Variants in MINDY4 observed in about 807,000 individuals in gnomAD.
MINDY4 encodes probable ubiquitin carboxyl-terminal hydrolase MINDY-4.
MINDY4 carries 68 observed loss-of-function variants against 87.0 expected under a neutral mutation model. The ratio of observed to expected loss-of-function variants is 0.78; its 90% CI spans 0.64 to 0.96. The LOEUF (loss-of-function observed/expected upper bound fraction) is 0.96. Ranked by LOEUF, MINDY4 falls within the 40% of genes least tolerant of loss-of-function variation. MINDY4 has a pLI of 0.00. For missense variants in MINDY4, 919 were observed against 928.2 expected (o/e 0.99, Z 0.13); for synonymous variants, 379 against 363.2 (o/e 1.04, Z -0.50).
chr7:30,836,656 AGAG>A lies in MINDY4; in HGVS notation c.1134_1136del (p.Glu378del). ...GCTCACATGGCCATGGTTTTCTTTC[AGAG>A]GATGTGGAGGATGAGTTGATAAGGG... On this transcript the variant is annotated splice_acceptor_variant and coding_sequence_variant, in exon 7 of 18. Coordinates refer to ENST00000265299, the MANE Select transcript of MINDY4 (RefSeq NM_032222.3). LOFTEE classifies it high-confidence loss of function. 6.2e-7 allele frequency: 1 copy of A among 1,613,350 alleles called. No individual in the cohort carries two copies. Among genetic ancestry groups the A allele is most frequent in the Non-Finnish European group, 8.5e-7 (1 of 1,179,402 alleles).
chr7:30,816,286 T>A (rs1163758474), intron 5 of MINDY4, among the ~76,000 whole-genome samples: 1 of 145,432 alleles, frequency 6.9e-6, no homozygotes, highest in African/African-American at 2.7e-5. Flanking sequence ...AGAAAACTTC[T>A]GAGTCTGAGA....
intron 5 of MINDY4, among the ~76,000 whole-genome samples, chr7:30,819,840 A>G (rs994766944): frequency 1.3e-5 from 2 of 151,174 alleles, no homozygotes; most frequent in African/African-American, 2.4e-5. Flanking sequence ...TATTTTTGCC[A>G]TGCTTTACTG....
At chr7:30,812,277 G>C (rs368150973) in intron 5 of MINDY4, among the ~76,000 whole-genome samples, 38 of 93,194 alleles carry the variant, frequency 4.1e-4, no homozygotes, top group African/African-American at 1.8e-3. Flanking sequence ...GTTGAGGGGG[G>C]GGGGGTATGT....
intron 4 of MINDY4, among the ~76,000 whole-genome samples, chr7:30,790,922 G>A (rs188767939): frequency 1.3e-5 from 2 of 152,328 alleles, no homozygotes; most frequent in African/African-American, 4.8e-5. Flanking sequence ...TAAGGGCTGC[G>A]AGAGAAAGGC....
Position 30,845,960 on chromosome 7 carries a change from A to G in MINDY4, c.1446-4494A>G, listed in dbSNP as rs1789201825. On this transcript the variant is annotated intron_variant, in intron 9 of 17. Coordinates refer to ENST00000265299, the MANE Select transcript of MINDY4 (RefSeq NM_032222.3). ...GGCTGTGCCGGCTTGGCTCACAGAA[A>G]GAGATGAAGAGCTCTTGATCCCCCT... Among the ~76,000 whole-genome samples the G allele has an allele frequency of 2.0e-5, 3 of 152,210 alleles. No homozygotes were observed. The East Asian group carries it at 5.8e-4, about 29-fold the overall frequency.
In MINDY4 at chr7:30,791,193, G is replaced by A; in HGVS notation, c.692G>A (p.Arg231Gln). The A allele has an allele frequency of 1.9e-6, 3 of 1,613,638 alleles. No homozygotes were observed. The highest frequency in any genetic ancestry group is 2.2e-5 in the East Asian group (1 of 44,850). The change falls in exon 5 of 18, where the codon CGG becomes CAG. Residue 231 changes from arginine to glutamine, a missense_variant. Coordinates refer to ENST00000265299, the MANE Select transcript of MINDY4 (RefSeq NM_032222.3). ...QDSFHRHYLR[R>Q]SSPSSSSTQP... ...TCTTTTCACAGACACTATCTGAGAC[G>A]GTCCTCACCGTCAAGCAGCTCCACC... is the stretch of plus-strand genomic sequence containing the variant.
intron 5 of MINDY4, among the ~76,000 whole-genome samples, chr7:30,792,320 G>A (rs1375152920): frequency 6.6e-6 from 1 of 151,798 alleles, no homozygotes; most frequent in Non-Finnish European, 1.5e-5. Context: ...TTTGTGTGTA[G>A]GTTTATGAAG....
At chr7:30,846,828 A>C (rs910686661) in intron 9 of MINDY4, among the ~76,000 whole-genome samples, 9 of 152,102 alleles carry the variant, frequency 5.9e-5, no homozygotes, top group African/African-American at 2.2e-4. Flanking sequence ...TCTCATAAGG[A>C]GCGCGCAACC....
At chr7:30,791,671 C>A in intron 5 of MINDY4, 97 bp downstream of exon 5, 1 of 1,287,072 alleles carries the variant, frequency 7.8e-7, no homozygotes, top group Non-Finnish European at 1.1e-6. Flanking sequence ...ACTTCTTAGT[C>A]TCCTTGGTCT....
chr7:30,806,399 A>T (rs1475251193), intron 5 of MINDY4, among the ~76,000 whole-genome samples: 1 of 152,224 alleles, frequency 6.6e-6, no homozygotes, highest in East Asian at 1.9e-4. Flanking sequence ...AAAATAAAAT[A>T]TATCAAATAT....
Position 30,821,758 on chromosome 7 carries a change from A to C in MINDY4, c.1074-6921A>C, listed in dbSNP as rs56403958. On this transcript the variant is annotated intron_variant, in intron 5 of 17. Transcript: ENST00000265299. ...ATTTATTTGCTCCTTCGTGCAGTTT[A>C]TCTCTCTCCTGATGGTGATATTCTG... is the stretch of plus-strand genomic sequence containing the variant. Among the ~76,000 whole-genome samples, 1,199 of 126,946 alleles carry C rather than the reference A, an allele frequency of 9.4e-3. 14 individuals are homozygous for C. Among genetic ancestry groups the C allele is most frequent in the African/African-American group, 0.047 (1,141 of 24,072 alleles). The allele number at this position is 126,946 out of a possible 152,430, so 83.3% of individuals were successfully genotyped here.
intron 4 of MINDY4, among the ~76,000 whole-genome samples, chr7:30,788,553 A>G (rs779745659): frequency 5.3e-5 from 8 of 152,226 alleles, no homozygotes; most frequent in Admixed American, 2.0e-4. Context: ...TCTCAAGCTC[A>G]CGGTGGCAGA....
intron 8 of MINDY4, 122 bp downstream of exon 8, chr7:30,839,438 C>T: frequency 1.7e-6 from 1 of 588,418 alleles, no homozygotes; most frequent in Non-Finnish European, 3.0e-6. Context: ...ACCAGCCAGC[C>T]CCACATGTGC....
intron 12 of MINDY4, chr7:30,858,930 G>T: frequency 1.8e-6 from 1 of 569,804 alleles, no homozygotes; most frequent in Non-Finnish European, 3.4e-6. Flanking sequence ...AGAGTGTTCG[G>T]GGTGATAATG....
In MINDY4 at chr7:30,783,048, T is replaced by C. The variant is rs188912880; in HGVS notation, c.419+836T>C. Among the ~76,000 whole-genome samples, 12 of 152,334 alleles carry C rather than the reference T, an allele frequency of 7.9e-5. No homozygotes were observed. The East Asian group carries it at 2.1e-3, about 27-fold the overall frequency. Reference sequence around the variant, plus strand: ...CTAGCCACATTTTTAATCCTCACAGTAGTTAAAGCAATACCAATTTATTCT... The same window carrying C: ...CTAGCCACATTTTTAATCCTCACAGCAGTTAAAGCAATACCAATTTATTCT... On this transcript the variant is annotated intron_variant, in intron 3 of 17. Coordinates refer to ENST00000265299, the MANE Select transcript of MINDY4 (RefSeq NM_032222.3).
chr7:30,885,373 A>G (rs1043128848), intron 17 of MINDY4, among the ~76,000 whole-genome samples: 1 of 152,160 alleles, frequency 6.6e-6, no homozygotes, highest in African/African-American at 2.4e-5. Flanking sequence ...TTAGCCGGGC[A>G]TGGTGGCACA....
Position 30,828,663 on chromosome 7 carries a change from A to AT in MINDY4, c.1074-12dup. 1 of 1,613,564 alleles carries AT rather than the reference A, an allele frequency of 6.2e-7. No homozygotes were observed. The highest frequency in any genetic ancestry group is 8.5e-7 in the Non-Finnish European group (1 of 1,179,722). Reference sequence around the variant, plus strand: ...TGTCAGTCTCCTCTGGTACATTGATATTTTCTATTTTCCAGGAAAAATCAG... The same window carrying AT: ...TGTCAGTCTCCTCTGGTACATTGATATTTTTCTATTTTCCAGGAAAAATCAG... On this transcript the variant is annotated splice_polypyrimidine_tract_variant and intron_variant, in intron 5 of 17. Transcript: ENST00000265299.
At chr7:30,851,029 G>A (rs1409870182) in intron 10 of MINDY4, among the ~76,000 whole-genome samples, 4 of 152,214 alleles carry the variant, frequency 2.6e-5, no homozygotes, top group African/African-American at 9.6e-5. Flanking sequence ...GAGGTGAGGT[G>A]GAGCCCAGGC....
At chr7:30,859,236 A>G in intron 12 of MINDY4, 21 bp from the exon 13 acceptor site, 1 of 1,611,988 alleles carries the variant, frequency 6.2e-7, no homozygotes, top group Non-Finnish European at 8.5e-7. Flanking sequence ...GATGGAGCTC[A>G]TTTTTCTCTC....
Sources: allele counts gnomAD v4.1 joint callset (sites outside exome capture counted in the v4.1 genomes callset), GRCh38; gene constraint gnomAD v4.1.1; transcripts MANE v1.5; gene names NCBI Gene and HGNC (gene_info 2026-07-23, HGNC 2026-07-21).